The following RNF39 variants were observed in gnomAD, a reference collection of about 807,000 sequenced individuals.
RNF39 encodes ring finger protein 39, also known as LTP (long-term potentiation) induced RING finger protein.
A neutral mutation model predicts 29.2 loss-of-function variants in RNF39; 25 were observed. That is an observed-to-expected ratio of 0.86 (90% CI 0.62 to 1.20). RNF39 has a LOEUF of 1.20. Ranked by LOEUF, RNF39 falls within the 50% of genes most tolerant of loss-of-function variation. The probability of loss-of-function intolerance (pLI) is 0.00; values close to 1 mark genes in which losing one functional copy is unlikely to be tolerated. For synonymous variants in RNF39, 219 were observed against 229.0 expected (o/e 0.96, Z 0.40); for missense variants, 519 against 515.0 (o/e 1.01, Z -0.08).
rs759436452 is a variant in RNF39 at position 30,075,532 on chromosome 6, C to T, written c.54G>A (p.Ala18=). 1 of 1,587,514 alleles carries T rather than the reference C, an allele frequency of 6.3e-7. No homozygotes were observed. Among genetic ancestry groups the T allele is most frequent in the Non-Finnish European group, 8.6e-7 (1 of 1,169,056 alleles). The change falls in exon 1 of 4, where the codon GCG becomes GCA. Residue 18 remains alanine (A), a synonymous_variant. Transcript: ENST00000244360. The part of the protein sequence containing the change: ...PGLVERLEQL[A]TCPLCGGSFE... Reference sequence around the variant, plus strand: ...AGGAGCCCCCGCACAGAGGACACGTCGCCAGCTGCTCCAGACGCTCCACCA... The same window carrying T: ...AGGAGCCCCCGCACAGAGGACACGTTGCCAGCTGCTCCAGACGCTCCACCA...
rs1372426396 is a variant in RNF39 at position 30,075,284 on chromosome 6, C to T, written c.302G>A (p.Arg101His). The change falls in exon 1 of 4, where the codon CGT becomes CAT. Residue 101 changes from arginine (R) to histidine (H), a missense_variant. Physicochemically the swap from Arg to His is conservative, Grantham distance 29. Coordinates refer to ENST00000244360, the MANE Select transcript of RNF39 (RefSeq NM_025236.4). ...GCGCCCCCCTCGGCGTCTCCCCGCA[C>T]GGGCCCCAGGCTCAGCCAGCTTCTC... ...LREKLAEPGARAGRRRGGRIP... is the reference protein window; with the variant it reads ...LREKLAEPGAHAGRRRGGRIP... 2 of 1,598,970 alleles carry T rather than the reference C, an allele frequency of 1.3e-6. No homozygotes were observed. The highest frequency in any genetic ancestry group is 1.7e-5 in the Admixed American group (1 of 59,160).
chr6:30,072,581 T>A lies in RNF39; in HGVS notation c.478+576A>T, dbSNP rs1036337227. Among the ~76,000 whole-genome samples, 10 of 151,948 alleles carry A rather than the reference T, an allele frequency of 6.6e-5. No homozygotes were observed. Among genetic ancestry groups the A allele is most frequent in the African/African-American group, 2.4e-4 (10 of 41,348 alleles). ...TTCAGGGATCTGTTGTTTGAATGTA[T>A]GAAAAAGGAAGAGGGAAAATGGCTG... is the stretch of plus-strand genomic sequence containing the variant. On this transcript the variant is annotated intron_variant, in intron 3 of 3. Coordinates refer to ENST00000244360, the MANE Select transcript of RNF39 (RefSeq NM_025236.4). This position sits in a 1 kb window ranked among gnomAD's most constrained non-coding sequence, Gnocchi z 4.5.
Position 30,071,228 on chromosome 6 carries a change from G to A in RNF39, c.942C>T (p.Arg314=), listed in dbSNP as rs146916457. ...GGAAGGCGTAAAGCAGGTCGAGTGAGCGGCCGTCGTAGAAGGCCACGCGGC... is the reference window on the plus strand; with the variant it reads ...GGAAGGCGTAAAGCAGGTCGAGTGAACGGCCGTCGTAGAAGGCCACGCGGC... ...ERGRVAFYDG[R]SLDLLYAFQA... The change falls in exon 4 of 4, where the codon CGC becomes CGT. Residue 314 remains arginine, a synonymous_variant. Coordinates refer to ENST00000244360, the MANE Select transcript of RNF39 (RefSeq NM_025236.4). The surrounding 1 kb of genome is among the most constrained non-coding windows in gnomAD (Gnocchi z 5.0). 1.4e-3 allele frequency: 2,152 copies of A among 1,512,512 alleles called. 28 individuals carry two copies. The African/African-American group carries it at 0.023, about 16-fold the overall frequency. The allele number at this position is 1,512,512 out of a possible 1,614,324, so 93.7% of individuals were successfully genotyped here.
In RNF39 at chr6:30,070,741, A is replaced by C. The variant is rs1427672350; in HGVS notation, c.*370T>G. Reference sequence around the variant, plus strand: ...TGGAGCTAGGAGTGGCAAGAGTGGGAGTCAAGTATTTGACCAGCAGAGCCT... The same window carrying C: ...TGGAGCTAGGAGTGGCAAGAGTGGGCGTCAAGTATTTGACCAGCAGAGCCT... On this transcript the variant is annotated 3_prime_UTR_variant, in exon 4 of 4. Coordinates refer to ENST00000244360, the MANE Select transcript of RNF39 (RefSeq NM_025236.4). 5 of 489,808 alleles carry C rather than the reference A, an allele frequency of 1.0e-5. No individual in the cohort carries two copies. Among genetic ancestry groups the C allele is most frequent in the Non-Finnish European group, 1.6e-5 (4 of 249,396 alleles). The allele number at this position is 489,808 out of a possible 1,614,324, so 30.3% of individuals were successfully genotyped here.
rs1328456122 is a variant in RNF39 at position 30,071,754 on chromosome 6, G to C, written c.479-63C>G. ...AGTTTTCTAAATCACAGGCGGGGTAGGGTGGAGAATAGTCAACGAAGATCA... is the reference window on the plus strand; with the variant it reads ...AGTTTTCTAAATCACAGGCGGGGTACGGTGGAGAATAGTCAACGAAGATCA... On this transcript the variant is annotated intron_variant, in intron 3 of 3. Transcript: ENST00000244360. This position sits in a 1 kb window ranked among gnomAD's most constrained non-coding sequence, Gnocchi z 5.0. 1 of 1,308,464 alleles carries C rather than the reference G, an allele frequency of 7.6e-7. No individual in the cohort carries two copies. Among genetic ancestry groups the C allele is most frequent in the Non-Finnish European group, 1.0e-6 (1 of 1,001,230 alleles). 81.1% of individuals were successfully genotyped at this position (1,308,464 alleles called of 1,614,324 possible). A position where few individuals can be genotyped will look rare whatever the true frequency, so the allele number is the denominator to read the frequency against.
Position 30,075,356 on chromosome 6 carries a change from G to A in RNF39, c.230C>T (p.Ser77Phe). 1 of 1,590,704 alleles carries A rather than the reference G, an allele frequency of 6.3e-7. No homozygotes were observed. The highest frequency in any genetic ancestry group is 8.5e-7 in the Non-Finnish European group (1 of 1,170,956). The part of the protein sequence containing the change: ...GLPCPRRSLR[S>F]NVRLAVEVRI... ...CACCTCCACCGCCAGCCGCACATTA[G>A]ACCTCAGGCTGCGGCGGGGACACGG... The change falls in exon 1 of 4, where the codon TCT (serine) becomes TTT (phenylalanine). Residue 77 changes from serine to phenylalanine, a missense_variant. By Grantham distance (155) the Ser-to-Phe change is radical (BLOSUM62 -2). Coordinates refer to ENST00000244360, the MANE Select transcript of RNF39 (RefSeq NM_025236.4).
Position 30,071,458 on chromosome 6 carries a change from C to G in RNF39, c.712G>C (p.Asp238His). The G allele has an allele frequency of 6.4e-7, 1 of 1,558,758 alleles. No individual in the cohort carries two copies. Among genetic ancestry groups the G allele is most frequent in the Non-Finnish European group, 8.6e-7 (1 of 1,160,304 alleles). Residue 238 changes from aspartate to histidine, a missense_variant, in exon 4 of 4, where the codon GAC becomes CAC. Transcript: ENST00000244360. This position sits in a 1 kb window ranked among gnomAD's most constrained non-coding sequence, Gnocchi z 5.0. ...CRDSSGEDAD[D>H]EESHYAVGAA... Reference sequence around the variant, plus strand: ...CCCACTGCATAGTGGCTCTCCTCGTCGTCCGCATCCTCCCCAGAAGAGTCT... The same window carrying G: ...CCCACTGCATAGTGGCTCTCCTCGTGGTCCGCATCCTCCCCAGAAGAGTCT...
Position 30,071,700 on chromosome 6 carries a change from G to T in RNF39, c.479-9C>A. The stretch of plus-strand genomic sequence containing the variant: ...GTCCAGGGTCAGGTCGGCTGGAGAC[G>T]GGGAGGCAGGGAGAGGACCTCATGA... On this transcript the variant is annotated splice_polypyrimidine_tract_variant and intron_variant, in intron 3 of 3. Transcript: ENST00000244360. The surrounding 1 kb of genome is among the most constrained non-coding windows in gnomAD (Gnocchi z 5.0). 2 of 1,400,674 alleles carry T rather than the reference G, an allele frequency of 1.4e-6. No homozygotes were observed. The highest frequency in any genetic ancestry group is 1.8e-6 in the Non-Finnish European group (2 of 1,083,238). The allele number at this position is 1,400,674 out of a possible 1,614,324, so 86.8% of individuals were successfully genotyped here. A position where few individuals can be genotyped will look rare whatever the true frequency, so the allele number is the denominator to read the frequency against.
chr6:30,071,493 G>T lies in RNF39; in HGVS notation c.677C>A (p.Ala226Asp). 1 of 1,554,374 alleles carries T rather than the reference G, an allele frequency of 6.4e-7. No homozygotes were observed. Among genetic ancestry groups the T allele is most frequent in the South Asian group, 1.2e-5 (1 of 85,124 alleles). Reference protein sequence around the residue: ...HCWEVETADAASCRDSSGEDA... With the variant: ...HCWEVETADADSCRDSSGEDA... ...CTCCCCAGAAGAGTCTCTGCAGGAG[G>T]CGGCGTCCGCAGTCTCCACCTCCCA... Residue 226 changes from alanine to aspartate, a missense_variant, in exon 4 of 4, where the codon GCC (alanine) becomes GAC (aspartate). Transcript: ENST00000244360. The surrounding 1 kb of genome is among the most constrained non-coding windows in gnomAD (Gnocchi z 5.0).
chr6:30,071,312 C>A lies in RNF39; in HGVS notation c.858G>T (p.Leu286=). 6.7e-7 allele frequency: 1 copy of A among 1,491,348 alleles called. No individual in the cohort carries two copies. The highest frequency in any genetic ancestry group is 1.4e-5 in the South Asian group (1 of 72,310). The allele number at this position is 1,491,348 out of a possible 1,614,324, so 92.4% of individuals were successfully genotyped here. The change falls in exon 4 of 4, where the codon CTG becomes CTT. Residue 286 remains leucine, a synonymous_variant. Transcript: ENST00000244360. This position sits in a 1 kb window ranked among gnomAD's most constrained non-coding sequence, Gnocchi z 5.0. ...LWALTAPEPT[L]LGGVEPPPRR... Reference sequence around the variant, plus strand: ...GCGGCGGGGGCTCAACACCGCCCAGCAGGGTGGGTTCGGGTGCCGTGAGGG... The same window carrying A: ...GCGGCGGGGGCTCAACACCGCCCAGAAGGGTGGGTTCGGGTGCCGTGAGGG...
chr6:30,075,326 A>G lies in RNF39; in HGVS notation c.260T>C (p.Ile87Thr). Reference protein sequence around the residue: ...SNVRLAVEVRISRELREKLAE... With the variant: ...SNVRLAVEVRTSRELREKLAE... ...CAGCTTCTCTCGCAGCTCGCGGCTG[A>G]TTCGCACCTCCACCGCCAGCCGCAC... Residue 87 changes from isoleucine to threonine, a missense_variant, in exon 1 of 4, where the codon ATC becomes ACC. Transcript: ENST00000244360. The G allele has an allele frequency of 6.3e-7, 1 of 1,592,822 alleles. No individual in the cohort carries two copies.
rs778389967 is a variant in RNF39, at chr6:30,071,381, C to G, written c.789G>C (p.Ala263=). 5.4e-6 allele frequency: 8 copies of G among 1,471,526 alleles called. No individual in the cohort carries two copies. Among genetic ancestry groups the G allele is most frequent in the Middle Eastern group, 3.7e-4 (2 of 5,392 alleles). 91.2% of individuals were successfully genotyped at this position (1,471,526 alleles called of 1,614,324 possible). The change falls in exon 4 of 4, where the codon GCG becomes GCC. Residue 263 remains alanine, a synonymous_variant. Transcript: ENST00000244360. The surrounding 1 kb of genome is among the most constrained non-coding windows in gnomAD (Gnocchi z 5.0). ...GGCCCTCCACGGCCCACACGGCCCC[C>G]GCAGGGCACAGCCTTACGCAGCCCT... is the stretch of plus-strand genomic sequence containing the variant. The part of the protein sequence containing the change: ...QRKGCVRLCP[A]GAVWAVEGRG...
chr6:30,071,215 G>T lies in RNF39; in HGVS notation c.955C>A (p.Leu319Ile). 6.6e-7 allele frequency: 1 copy of T among 1,516,008 alleles called. No individual in the cohort carries two copies. Among genetic ancestry groups the T allele is most frequent in the Admixed American group, 2.3e-5 (1 of 44,234 alleles). The allele number at this position is 1,516,008 out of a possible 1,614,324, so 93.9% of individuals were successfully genotyped here. A position where few individuals can be genotyped will look rare whatever the true frequency, so the allele number is the denominator to read the frequency against. The change falls in exon 4 of 4, where the codon CTT (leucine) becomes ATT (isoleucine). Residue 319 changes from leucine to isoleucine, a missense_variant. Leu to Ile is a conservative substitution (Grantham distance 5). Coordinates refer to ENST00000244360, the MANE Select transcript of RNF39 (RefSeq NM_025236.4). The surrounding 1 kb of genome is among the most constrained non-coding windows in gnomAD (Gnocchi z 5.0). ...AFYDGRSLDL[L>I]YAFQAPGPLG... is the part of the protein sequence containing the mutation. ...GGGCCAGGCGCCTGGAAGGCGTAAA[G>T]CAGGTCGAGTGAGCGGCCGTCGTAG...
Position 30,071,779 on chromosome 6 carries a change from A to C in RNF39, c.479-88T>G. 4.7e-5 allele frequency: 54 copies of C among 1,138,260 alleles called. No individual in the cohort carries two copies. Among genetic ancestry groups the C allele is most frequent in the Non-Finnish European group, 6.2e-5 (53 of 854,644 alleles). The allele number at this position is 1,138,260 out of a possible 1,614,324, so 70.5% of individuals were successfully genotyped here. A position where few individuals can be genotyped will look rare whatever the true frequency, so the allele number is the denominator to read the frequency against. On this transcript the variant is annotated intron_variant, in intron 3 of 3. Coordinates refer to ENST00000244360, the MANE Select transcript of RNF39 (RefSeq NM_025236.4). The surrounding 1 kb of genome is among the most constrained non-coding windows in gnomAD (Gnocchi z 5.0). ...GGGTGGAGAATAGTCAACGAAGATCACGTAAAAGACTGAGAGCTAGTGACC... is the reference window on the plus strand; with the variant it reads ...GGGTGGAGAATAGTCAACGAAGATCCCGTAAAAGACTGAGAGCTAGTGACC...
rs779049891 is a variant in RNF39 at position 30,073,218 on chromosome 6, A to C, written c.417T>G (p.Asn139Lys). 1 of 1,612,972 alleles carries C rather than the reference A, an allele frequency of 6.2e-7. No homozygotes were observed. The highest frequency in any genetic ancestry group is 8.5e-7 in the Non-Finnish European group (1 of 1,179,014). ...RFEVPTSKSS[N>K]SEDDLPEDYP... ...AATCTTCAGGGAGATCATCCTCTGA[A>C]TTAGATGACTTGGATGTTGGGACTT... is the stretch of plus-strand genomic sequence containing the variant. Residue 139 changes from asparagine (N) to lysine (K), a missense_variant, in exon 3 of 4, where the codon AAT becomes AAG. Coordinates refer to ENST00000244360, the MANE Select transcript of RNF39 (RefSeq NM_025236.4).
In RNF39 at chr6:30,072,961, TTTCAGAC is replaced by T; in HGVS notation, c.478+189_478+195del. Among the ~76,000 whole-genome samples the T allele has an allele frequency of 6.6e-6, 1 of 152,340 alleles. No homozygotes were observed. The highest frequency in any genetic ancestry group is 1.5e-5 in the Non-Finnish European group (1 of 68,038). On this transcript the variant is annotated intron_variant, in intron 3 of 3. Coordinates refer to ENST00000244360, the MANE Select transcript of RNF39 (RefSeq NM_025236.4). This position sits in a 1 kb window ranked among gnomAD's most constrained non-coding sequence, Gnocchi z 4.5. ...GGAACCAACACTGCTGACACCTTGATTTCAGACTTCTACCTCCTGAACTTTGAGATAA... is the reference window on the plus strand; with the variant it reads ...GGAACCAACACTGCTGACACCTTGATTTCTACCTCCTGAACTTTGAGATAA...
chr6:30,073,113 C>G, intron 3 of RNF39, 44 bp downstream of exon 3: 1 of 1,329,862 alleles, frequency 7.5e-7, no homozygotes, highest in Non-Finnish European at 1.1e-6. Context: ...AAATCTAACA[C>G]AGACTTTCAT....
chr6:30,071,381 C>A lies in RNF39; in HGVS notation c.789G>T (p.Ala263=), dbSNP rs778389967. The A allele has an allele frequency of 5.4e-6, 8 of 1,471,410 alleles. No homozygotes were observed. The highest frequency in any genetic ancestry group is 3.6e-6 in the Non-Finnish European group (4 of 1,120,380). The allele number at this position is 1,471,410 out of a possible 1,614,324, so 91.1% of individuals were successfully genotyped here. A position where few individuals can be genotyped will look rare whatever the true frequency, so the allele number is the denominator to read the frequency against. The stretch of plus-strand genomic sequence containing the variant: ...GGCCCTCCACGGCCCACACGGCCCC[C>A]GCAGGGCACAGCCTTACGCAGCCCT... ...QRKGCVRLCP[A]GAVWAVEGRG... is the part of the protein sequence containing the mutation. The change falls in exon 4 of 4, where the codon GCG becomes GCT. Residue 263 remains alanine, a synonymous_variant. Coordinates refer to ENST00000244360, the MANE Select transcript of RNF39 (RefSeq NM_025236.4). This position sits in a 1 kb window ranked among gnomAD's most constrained non-coding sequence, Gnocchi z 5.0.
chr6:30,074,228 G>A lies in RNF39; in HGVS notation c.364-750C>T, dbSNP rs1766223609. On this transcript the variant is annotated intron_variant, in intron 1 of 3. Coordinates refer to ENST00000244360, the MANE Select transcript of RNF39 (RefSeq NM_025236.4). The surrounding 1 kb of genome is among the most constrained non-coding windows in gnomAD (Gnocchi z 4.1). ...GGAGCAGGCCGATATGGTGGAGCGG[G>A]GGAGAGAGAAACAATTTGCATAATT... Among the ~76,000 whole-genome samples, 1 of 152,186 alleles carries A rather than the reference G, an allele frequency of 6.6e-6. No homozygotes were observed. The highest frequency in any genetic ancestry group is 1.5e-5 in the Non-Finnish European group (1 of 68,040).
Sources: allele counts gnomAD v4.1 joint callset (sites outside exome capture counted in the v4.1 genomes callset), GRCh38; gene constraint gnomAD v4.1.1; non-coding constraint Gnocchi (gnomAD v3.1); transcripts MANE v1.5; gene names NCBI Gene and HGNC (gene_info 2026-07-23, HGNC 2026-07-21).